ARHGAP22: variants seen among roughly 807,000 people sequenced by gnomAD.
The protein encoded by ARHGAP22 is rho GTPase-activating protein 22.
In ARHGAP22, 48 loss-of-function variants were observed where a neutral mutation model predicts 59.1. The ratio of observed to expected loss-of-function variants is 0.81; its 90% confidence interval spans 0.64 to 1.03. The LOEUF (loss-of-function observed/expected upper bound fraction) is 1.03, where lower values mean the gene tolerates loss of function less well. Ranked by LOEUF, ARHGAP22 falls within the 50% of genes least tolerant of loss-of-function variation. ARHGAP22 has a pLI of 0.00. For missense variants in ARHGAP22, 1,015 were observed against 958.7 expected, an observed-to-expected ratio of 1.06 and a Z score of -0.78; for synonymous variants, 445 against 416.4, an observed-to-expected ratio of 1.07 and a Z score of -0.84.
intron 3 of ARHGAP22, among the ~76,000 whole-genome samples, chr10:48,502,201 C>G (rs1044633428): frequency 1.2e-4 from 18 of 152,182 alleles, no homozygotes; most frequent in African/African-American, 4.1e-4. Context: ...ACCAGCCTCT[C>G]CCTAAGAATC....
intron 1 of ARHGAP22, among the ~76,000 whole-genome samples, chr10:48,599,334 A>G (rs1346640249): frequency 6.6e-6 from 1 of 152,208 alleles, no homozygotes; most frequent in Non-Finnish European, 1.5e-5. Context: ...ACGTGGGGAC[A>G]CTGGAGGACA....
At chr10:48,535,843 T>C (rs983054114) in intron 3 of ARHGAP22, among the ~76,000 whole-genome samples, 16 of 152,090 alleles carry the variant, frequency 1.1e-4, no homozygotes, top group African/African-American at 3.4e-4. Flanking sequence ...GGCTGTGATA[T>C]GAAAAAAAGA....
At chr10:48,523,973 C>A in intron 3 of ARHGAP22, 8 of 1,343,174 alleles carry the variant, frequency 6.0e-6, no homozygotes, top group Non-Finnish European at 7.8e-6. Flanking sequence ...CTGGACACCC[C>A]GTGGCGAGTC....
chr10:48,527,544 G>T (rs1292886722), intron 3 of ARHGAP22, among the ~76,000 whole-genome samples: 2 of 152,178 alleles, frequency 1.3e-5, no homozygotes, highest in Non-Finnish European at 2.9e-5. Context: ...TGGAGGGATG[G>T]TTGAATGGAT....
chr10:48,556,287 C>G (rs1205614946), intron 2 of ARHGAP22, among the ~76,000 whole-genome samples: 1 of 152,134 alleles, frequency 6.6e-6, no homozygotes, highest in Admixed American at 6.5e-5. Context: ...CACAATGGGA[C>G]ATGTCTCAGG....
At chr10:48,578,331 C>A (rs1398898441) in intron 2 of ARHGAP22, among the ~76,000 whole-genome samples, 2 of 152,154 alleles carry the variant, frequency 1.3e-5, no homozygotes, top group African/African-American at 4.8e-5. Context: ...TGTTTTCCTG[C>A]ATCCAGAATG....
At chr10:48,605,648 G>A (rs2060642241), upstream of ARHGAP22, among the ~76,000 whole-genome samples, 1 of 152,120 alleles carries the variant, frequency 6.6e-6, no homozygotes, top group Non-Finnish European at 1.5e-5. Flanking sequence ...GGCTTTGTGA[G>A]GAGCGGAATC....
chr10:48,438,157 T>G, the ARHGAP22 span: 3 of 152,218 alleles, frequency 2.0e-5, no homozygotes, highest in Non-Finnish European at 2.9e-5. Flanking sequence ...ACACATTAGC[T>G]ATAGAGTGGA....
At chr10:48,541,891 G>T (rs148134080) in intron 3 of ARHGAP22, among the ~76,000 whole-genome samples, 1 of 152,208 alleles carries the variant, frequency 6.6e-6, no homozygotes, top group Non-Finnish European at 1.5e-5. Context: ...AGCTCCATGG[G>T]GGGAGTTCAG....
intron 1 of ARHGAP22, among the ~76,000 whole-genome samples, chr10:48,604,071 T>C (rs1201734767): frequency 6.6e-6 from 1 of 152,258 alleles, no homozygotes; most frequent in Non-Finnish European, 1.5e-5. Context: ...TAAGAAGTTG[T>C]TGTCCATGGA....
intron 3 of ARHGAP22, among the ~76,000 whole-genome samples, chr10:48,515,061 T>C (rs1206428294): frequency 1.3e-5 from 2 of 152,094 alleles, no homozygotes; most frequent in Non-Finnish European, 2.9e-5. Flanking sequence ...AGAAAACAAA[T>C]TCCAAAGTGG....
chr10:48,583,403 G>T (rs1335198581), intron 1 of ARHGAP22, among the ~76,000 whole-genome samples: 2 of 152,194 alleles, frequency 1.3e-5, no homozygotes, highest in African/African-American at 4.8e-5. Flanking sequence ...TCTGTCTCTG[G>T]GATCCTAGGT....
chr10:48,584,510 G>A (rs899262151), intron 1 of ARHGAP22, among the ~76,000 whole-genome samples: 5 of 152,214 alleles, frequency 3.3e-5, no homozygotes, highest in African/African-American at 1.2e-4. Context: ...TATCTGTGTG[G>A]TTGTCTTTCT....
chr10:48,457,880 G>A (rs1402290736), intron 5 of ARHGAP22, among the ~76,000 whole-genome samples: 3 of 150,700 alleles, frequency 2.0e-5, no homozygotes, highest in Non-Finnish European at 4.4e-5. Context: ...GCTCCATCCC[G>A]GGACCCTCTG....
At chr10:48,523,138 C>A (rs547804275) in intron 3 of ARHGAP22, among the ~76,000 whole-genome samples, 13 of 152,344 alleles carry the variant, frequency 8.5e-5, no homozygotes, top group African/African-American at 1.2e-4. Context: ...GCAGAGCCTG[C>A]CTTACCCTAT....
intron 1 of ARHGAP22, chr10:48,624,194 A>G (rs4838428): frequency 0.5 from 76,156 of 152,372 alleles, 19,167 homozygotes; most frequent in Admixed American, 0.56. Context: ...ATCCCAGCAC[A>G]TTGGGAGGCT....
intron 4 of ARHGAP22, among the ~76,000 whole-genome samples, chr10:48,466,149 C>T (rs370324835): frequency 6.6e-6 from 1 of 152,096 alleles, no homozygotes; most frequent in South Asian, 2.1e-4. Context: ...CCTCCTGGGG[C>T]CGCCGGTCCC....
chr10:48,439,757 A>C, the ARHGAP22 span, among the ~76,000 whole-genome samples: 1 of 152,180 alleles, frequency 6.6e-6, no homozygotes, highest in African/African-American at 2.4e-5. Context: ...CTCTTTGCCT[A>C]CGTTGGGTCT....
chr10:48,609,470 A>G (rs1244337238), upstream of ARHGAP22, among the ~76,000 whole-genome samples: 1 of 152,208 alleles, frequency 6.6e-6, no homozygotes, highest in Non-Finnish European at 1.5e-5. Flanking sequence ...ATATGGTAGA[A>G]TCCCTGCAGT....
Sources: allele counts gnomAD v4.1 joint callset (sites outside exome capture counted in the v4.1 genomes callset), GRCh38; gene constraint gnomAD v4.1.1; transcripts MANE v1.5; gene names NCBI Gene and HGNC (gene_info 2026-07-23, HGNC 2026-07-21).